DNAJC16: variants seen among roughly 807,000 people sequenced by gnomAD.
DNAJC16 encodes the protein DnaJ heat shock protein family (Hsp40) member C16.
A neutral mutation model predicts 92.7 loss-of-function variants in DNAJC16; 76 were observed. That is an observed-to-expected ratio of 0.82 (90% CI 0.68 to 0.99). DNAJC16 has a LOEUF of 0.99. DNAJC16 is among the 50% of genes least tolerant of loss of function. The pLI, the probability that DNAJC16 is intolerant of heterozygous loss-of-function variation, is 0.00. For missense variants in DNAJC16, 869 were observed against 942.4 expected, an observed-to-expected ratio of 0.92 and a Z score of 1.02; for synonymous variants, 328 against 358.7, an observed-to-expected ratio of 0.91 and a Z score of 0.97.
intron 4 of DNAJC16, among the ~76,000 whole-genome samples, chr1:15,544,185 C>CACACACACACACAT (rs995957267): frequency 2.7e-5 from 4 of 147,902 alleles, no homozygotes; most frequent in African/African-American, 9.9e-5. Context: ...CACACACACA[C>CACACACACACACAT]ATTTGTAACT....
intron 1 of DNAJC16, among the ~76,000 whole-genome samples, chr1:15,527,339 G>T (rs1383887948): frequency 6.6e-6 from 1 of 152,212 alleles, no homozygotes; most frequent in African/African-American, 2.4e-5. Context: ...CGGCCCTCTA[G>T]CTGGAAGGAA....
At chr1:15,538,928 GC>G (rs1264281315) in intron 4 of DNAJC16, among the ~76,000 whole-genome samples, 2 of 152,192 alleles carry the variant, frequency 1.3e-5, no homozygotes, top group African/African-American at 4.8e-5. Flanking sequence ...CATTCGAGTG[GC>G]GTGTTCTTCC....
intron 4 of DNAJC16, 124 bp downstream of exon 4, chr1:15,536,938 C>T: frequency 1.3e-6 from 1 of 774,126 alleles, no homozygotes; most frequent in Non-Finnish European, 1.9e-6. Context: ...GCAACCTCCA[C>T]CTCCCGGGTT....
intron 2 of DNAJC16, 113 bp downstream of exon 2, chr1:15,529,385 A>G: frequency 1.9e-6 from 2 of 1,079,688 alleles, no homozygotes; most frequent in South Asian, 4.3e-5. Flanking sequence ...CAATATATAT[A>G]TCTGTCTAAA....
intron 4 of DNAJC16, among the ~76,000 whole-genome samples, chr1:15,539,249 T>A (rs201851571): frequency 0.014 from 2,079 of 152,020 alleles, 53 homozygotes; most frequent in African/African-American, 0.046. Context: ...TTTTATTTTT[T>A]TTTTTTATTT....
intron 3 of DNAJC16, among the ~76,000 whole-genome samples, chr1:15,535,468 T>C (rs911124202): frequency 2.6e-5 from 4 of 152,200 alleles, no homozygotes; most frequent in Admixed American, 1.3e-4. Context: ...TCTAATCGGC[T>C]GGACCCAGTG....
chr1:15,559,675 G>A lies in DNAJC16; in HGVS notation c.1154+19G>A, dbSNP rs1638649732. On this transcript the variant is annotated intron_variant, in intron 8 of 14. Transcript: ENST00000375847. ...AGAGGAAGTAAGGACTTAAGGCTTT[G>A]CCTCTGCTTGTTATTACAATAGAAG... The A allele has an allele frequency of 6.2e-7, 1 of 1,611,296 alleles. No homozygotes were observed. Among genetic ancestry groups the A allele is most frequent in the African/African-American group, 1.3e-5 (1 of 74,924 alleles).
At chr1:15,555,623 A>C (rs1224534781) in intron 7 of DNAJC16, among the ~76,000 whole-genome samples, 1 of 149,372 alleles carries the variant, frequency 6.7e-6, no homozygotes, top group Non-Finnish European at 1.5e-5. Context: ...CAGAAGTTGC[A>C]GTGAGCCAAG....
chr1:15,550,333 T>C (rs995757382), intron 7 of DNAJC16, among the ~76,000 whole-genome samples: 2 of 152,254 alleles, frequency 1.3e-5, no homozygotes, highest in African/African-American at 2.4e-5. Flanking sequence ...CAAATACATT[T>C]ACAAAATTAT....
intron 7 of DNAJC16, among the ~76,000 whole-genome samples, chr1:15,557,627 C>T (rs889063004): frequency 6.6e-6 from 1 of 151,890 alleles, no homozygotes; most frequent in Non-Finnish European, 1.5e-5. Context: ...TAAAATTCCC[C>T]TTCAAGTACT....
chr1:15,567,103 A>G lies in DNAJC16; in HGVS notation c.1783A>G (p.Ile595Val), dbSNP rs762587090. ...CTCCTCAATATTTCTCCACAGCAAG[A>G]TTCCTAAAAAAGGCTTTGTGGAGGT... ...PSFTKENSSK[I>V]PKKGFVEVTE... Residue 595 changes from isoleucine (I) to valine (V), a missense_variant, in exon 14 of 15, where the codon ATT becomes GTT. Coordinates refer to ENST00000375847, the MANE Select transcript of DNAJC16 (RefSeq NM_015291.4). 11 of 1,605,814 alleles carry G rather than the reference A, an allele frequency of 6.9e-6. No individual in the cohort carries two copies. The highest frequency in any genetic ancestry group is 8.5e-6 in the Non-Finnish European group (10 of 1,172,876).
rs748625931 is a variant in DNAJC16 at position 15,567,275 on chromosome 1, CAT to C, written c.1949+7_1949+8del. 7.5e-6 allele frequency: 12 copies of C among 1,610,710 alleles called. No individual in the cohort carries two copies. The East Asian group carries it at 2.5e-4, about 33-fold the overall frequency. ...GAGGTCTACACATTTACTGGGTAAG[CAT>C]GTGTGTGTGTGCATGTATGTATGTG... On this transcript the variant is annotated splice_region_variant and intron_variant, in intron 14 of 14. Coordinates refer to ENST00000375847, the MANE Select transcript of DNAJC16 (RefSeq NM_015291.4).
intron 7 of DNAJC16, among the ~76,000 whole-genome samples, chr1:15,552,160 C>T (rs567268803): frequency 6.6e-6 from 1 of 152,068 alleles, no homozygotes; most frequent in South Asian, 2.1e-4. Context: ...GTGTGAGCCA[C>T]TGCACCCAGC....
At chr1:15,539,248 T>A (rs114161448) in intron 4 of DNAJC16, among the ~76,000 whole-genome samples, 3,855 of 150,394 alleles carry the variant, frequency 0.026, 74 homozygotes, top group African/African-American at 0.057. Context: ...ATTTTATTTT[T>A]TTTTTTTATT....
Position 15,565,979 on chromosome 1 carries a change from T to G in DNAJC16, c.1659T>G (p.Thr553=). 6.2e-7 allele frequency: 1 copy of G among 1,614,098 alleles called. No individual in the cohort carries two copies. Among genetic ancestry groups the G allele is most frequent in the Non-Finnish European group, 8.5e-7 (1 of 1,180,032 alleles). Residue 553 remains threonine, a synonymous_variant, in exon 12 of 15, where the codon ACT becomes ACG. Transcript: ENST00000375847. ...IFSALFILFG[T]VIVQAFSDSN... Reference sequence around the variant, plus strand: ...CTGCCCTCTTCATCCTCTTCGGCACTGTCATCGTTCAGGCTTTCAGGTAAA... The same window carrying G: ...CTGCCCTCTTCATCCTCTTCGGCACGGTCATCGTTCAGGCTTTCAGGTAAA...
chr1:15,550,328 A>G (rs1638417058), intron 7 of DNAJC16, among the ~76,000 whole-genome samples: 1 of 152,262 alleles, frequency 6.6e-6, no homozygotes, highest in African/African-American at 2.4e-5. Flanking sequence ...TAAATCAAAT[A>G]CATTTACAAA....
chr1:15,527,695 C>T (rs1488768289), intron 1 of DNAJC16, among the ~76,000 whole-genome samples: 1 of 152,140 alleles, frequency 6.6e-6, no homozygotes, highest in Non-Finnish European at 1.5e-5. Context: ...TTATTCAGCA[C>T]GTATGCAATT....
Position 15,569,838 on chromosome 1 carries a change from G to C in DNAJC16, c.*1661G>C, listed in dbSNP as rs570453453. 19 of 152,054 alleles carry C rather than the reference G, an allele frequency of 1.2e-4. No individual in the cohort carries two copies. The highest frequency in any genetic ancestry group is 4.6e-4 in the African/African-American group (19 of 41,456). 9.4% of individuals were successfully genotyped at this position (152,054 alleles called of 1,614,324 possible). On this transcript the variant is annotated 3_prime_UTR_variant, in exon 15 of 15. Coordinates refer to ENST00000375847, the MANE Select transcript of DNAJC16 (RefSeq NM_015291.4). ...AATTTTGTATTTTTAGTAGAGACGGGATTTCTCCATGTTGATCAGGCTGGT... is the reference window on the plus strand; with the variant it reads ...AATTTTGTATTTTTAGTAGAGACGGCATTTCTCCATGTTGATCAGGCTGGT...
At chr1:15,546,141 C>CA (rs759802605) in intron 5 of DNAJC16, among the ~76,000 whole-genome samples, 183 of 152,092 alleles carry the variant, frequency 1.2e-3, no homozygotes, top group Admixed American at 2.4e-3. Context: ...CCAATCTCTA[C>CA]AAAAAATGCA....
Sources: gnomAD v4.1 joint callset for allele counts (sites outside exome capture counted in the v4.1 genomes callset) on GRCh38, gnomAD v4.1.1 for gene constraint, MANE v1.5 for transcripts, NCBI Gene and HGNC (gene_info 2026-07-23, HGNC 2026-07-21) for gene names.